Variants in SGMS2 observed in about 807,000 individuals in gnomAD.
The protein encoded by SGMS2 is phosphatidylcholine:ceramide cholinephosphotransferase 2.
SGMS2 carries 21 observed loss-of-function variants against 43.8 expected under a neutral mutation model. That is an observed-to-expected ratio of 0.48 (90% CI 0.34 to 0.69). The LOEUF (loss-of-function observed/expected upper bound fraction) is 0.69. Among genes scored for constraint, SGMS2 ranks in the 30% least tolerant of loss-of-function variants. The probability of loss-of-function intolerance (pLI) is 0.01; values close to 1 mark genes in which losing one functional copy is unlikely to be tolerated. For synonymous variants in SGMS2, 167 were observed against 160.6 expected (o/e 1.04, Z -0.30); for missense variants, 384 against 443.2 (o/e 0.87, Z 1.20).
At chr4:107,840,891 G>A (rs1055405500) in intron 1 of SGMS2, among the ~76,000 whole-genome samples, 2 of 152,158 alleles carry the variant, frequency 1.3e-5, no homozygotes, top group Admixed American at 6.5e-5. Flanking sequence ...CATGTCAGCA[G>A]AATCAAGGTT....
At chr4:107,837,327 G>A (rs1578503859) in intron 1 of SGMS2, among the ~76,000 whole-genome samples, 1 of 152,128 alleles carries the variant, frequency 6.6e-6, no homozygotes, top group African/African-American at 2.4e-5. Flanking sequence ...GAGTGACTGG[G>A]GCAGCCTACC....
intron 1 of SGMS2, among the ~76,000 whole-genome samples, chr4:107,841,480 A>G (rs545794884): frequency 6.6e-6 from 1 of 151,708 alleles, no homozygotes; most frequent in Admixed American, 6.6e-5. Flanking sequence ...TTGAGAATGC[A>G]TGGTCTAGCA....
intron 2 of SGMS2, among the ~76,000 whole-genome samples, chr4:107,894,708 C>T (rs573879727): frequency 6.6e-6 from 1 of 152,160 alleles, no homozygotes; most frequent in East Asian, 1.9e-4. Context: ...ATATGGTGTG[C>T]GTCTCTGAAT....
intron 4 of SGMS2, among the ~76,000 whole-genome samples, 181 bp from the exon 5 acceptor site, chr4:107,903,052 C>A (rs1286703409): frequency 6.6e-6 from 1 of 151,892 alleles, no homozygotes; most frequent in Non-Finnish European, 1.5e-5. Context: ...GTCAATAAAG[C>A]TTGCCAATAA....
Position 107,908,709 on chromosome 4 carries a change from A to G in SGMS2, c.872A>G (p.Tyr291Cys). Residue 291 changes from tyrosine (Y) to cysteine (C), a missense_variant, in exon 6 of 7, where the codon TAC becomes TGC. By Grantham distance (194) the Tyr-to-Cys change is radical. Coordinates refer to ENST00000690982, the MANE Select transcript of SGMS2 (RefSeq NM_001375905.1). ...YYITTRLFWW[Y>C]HSMANEKNLK... ...ATCACAACACGACTGTTTTGGTGGT[A>G]CCATTCAATGGCCAATGAAAAGGTG... is the stretch of plus-strand genomic sequence containing the variant. The G allele has an allele frequency of 1.2e-6, 2 of 1,613,740 alleles. No homozygotes were observed. The highest frequency in any genetic ancestry group is 1.7e-6 in the Non-Finnish European group (2 of 1,179,850).
At chr4:107,861,766 T>A (rs1213679820) in intron 2 of SGMS2, among the ~76,000 whole-genome samples, 2 of 152,260 alleles carry the variant, frequency 1.3e-5, no homozygotes, top group Non-Finnish European at 2.9e-5. Flanking sequence ...ATTTTATAGT[T>A]GTTAAAAAAG....
At chr4:107,843,933 A>C (rs1726660019) in intron 1 of SGMS2, among the ~76,000 whole-genome samples, 1 of 152,220 alleles carries the variant, frequency 6.6e-6, no homozygotes, top group Non-Finnish European at 1.5e-5. Flanking sequence ...TTATTTCTGC[A>C]GTCAGTTTTC....
chr4:107,903,897 T>G (rs13115229), intron 5 of SGMS2, among the ~76,000 whole-genome samples: 2,679 of 152,346 alleles, frequency 0.018, 47 homozygotes, highest in Non-Finnish European at 0.03. Flanking sequence ...TAGCACTTTC[T>G]GTGCTTTCAT....
intron 5 of SGMS2, among the ~76,000 whole-genome samples, chr4:107,906,074 A>T (rs187693722): frequency 6.6e-6 from 1 of 152,168 alleles, no homozygotes; most frequent in Non-Finnish European, 1.5e-5. Context: ...GTTTTTTTCT[A>T]TGCAATTAGG....
At chr4:107,862,130 C>T (rs755203106) in intron 2 of SGMS2, among the ~76,000 whole-genome samples, 10 of 152,110 alleles carry the variant, frequency 6.6e-5, no homozygotes, top group Non-Finnish European at 1.2e-4. Flanking sequence ...GAGTATTTAA[C>T]GCATAGAAAT....
At chr4:107,866,717 C>T (rs1378714615) in intron 2 of SGMS2, among the ~76,000 whole-genome samples, 1 of 151,984 alleles carries the variant, frequency 6.6e-6, no homozygotes, top group Admixed American at 6.6e-5. Context: ...TACCCTATTT[C>T]TTTTCTTTCT....
In SGMS2 at chr4:107,903,341, G is replaced by T. The variant is rs746307732; in HGVS notation, c.682G>T (p.Gly228Cys). The T allele has an allele frequency of 7.4e-6, 12 of 1,613,800 alleles. No individual in the cohort carries two copies. The highest frequency in any genetic ancestry group is 1.0e-5 in the Non-Finnish European group (12 of 1,179,924). Residue 228 changes from glycine to cysteine, a missense_variant, in exon 5 of 7, where the codon GGT becomes TGT. Gly to Cys is a radical substitution (Grantham distance 159). Transcript: ENST00000690982. The part of the protein sequence containing the change: ...HILCGDFLFS[G>C]HTVTLTLTYL... Reference sequence around the variant, plus strand: ...CTTATGTGGAGACTTCCTCTTCAGCGGTCACACGGTTACGCTGACACTGAC... The same window carrying T: ...CTTATGTGGAGACTTCCTCTTCAGCTGTCACACGGTTACGCTGACACTGAC...
Position 107,910,513 on chromosome 4 carries a change from G to A in SGMS2, c.1058G>A (p.Arg353Gln), listed in dbSNP as rs1327139774. The part of the protein sequence containing the change: ...CFKSSCKKYS[R>Q]VQKIGEDNEK... ...AAATCATCATGCAAAAAGTATTCACGGGTTCAGAAGATTGGTGAAGACAAT... is the reference window on the plus strand; with the variant it reads ...AAATCATCATGCAAAAAGTATTCACAGGTTCAGAAGATTGGTGAAGACAAT... The change falls in exon 7 of 7, where the codon CGG becomes CAG. Residue 353 changes from arginine (R) to glutamine (Q), a missense_variant. Physicochemically the swap from Arg to Gln is conservative, Grantham distance 43 (BLOSUM62 1). Coordinates refer to ENST00000690982, the MANE Select transcript of SGMS2 (RefSeq NM_001375905.1). 17 of 1,613,832 alleles carry A rather than the reference G, an allele frequency of 1.1e-5. No individual in the cohort carries two copies. The highest frequency in any genetic ancestry group is 1.7e-5 in the Admixed American group (1 of 59,966).
At chr4:107,855,219 T>C (rs190747136) in intron 1 of SGMS2, among the ~76,000 whole-genome samples, 124 of 152,278 alleles carry the variant, frequency 8.1e-4, no homozygotes, top group African/African-American at 2.5e-3. Context: ...TCTGCTTTGA[T>C]GTTTATTATT....
chr4:107,851,541 C>T (rs1040173539), intron 1 of SGMS2, among the ~76,000 whole-genome samples: 2 of 152,148 alleles, frequency 1.3e-5, no homozygotes, highest in African/African-American at 2.4e-5. Context: ...TCAGGTATAG[C>T]CATTCTGCTC....
intron 2 of SGMS2, among the ~76,000 whole-genome samples, chr4:107,889,008 T>C (rs1398855956): frequency 6.6e-6 from 1 of 152,204 alleles, no homozygotes; most frequent in Non-Finnish European, 1.5e-5. Context: ...GACTTCATCT[T>C]GCTTTTAGCC....
intron 1 of SGMS2, among the ~76,000 whole-genome samples, chr4:107,829,615 G>T (rs1448155898): frequency 1.3e-5 from 2 of 152,126 alleles, no homozygotes; most frequent in Non-Finnish European, 2.9e-5. Flanking sequence ...TTTTGTGTTT[G>T]TGTTTATTTA....
intron 4 of SGMS2, among the ~76,000 whole-genome samples, chr4:107,902,315 T>G (rs1293563055): frequency 7.3e-6 from 1 of 137,912 alleles, no homozygotes; most frequent in Non-Finnish European, 1.5e-5. Context: ...CTTTCTGTAT[T>G]TCTCTTCCAT....
intron 1 of SGMS2, 84 bp downstream of exon 1, chr4:107,825,337 G>A (rs944630696): frequency 4.6e-5 from 7 of 152,468 alleles, no homozygotes; most frequent in Admixed American, 1.3e-4. Context: ...AAGGTGGATT[G>A]CGAAGCGGGG....
Sources: allele counts gnomAD v4.1 joint callset (sites outside exome capture counted in the v4.1 genomes callset), GRCh38; gene constraint gnomAD v4.1.1; transcripts MANE v1.5; gene names NCBI Gene and HGNC (gene_info 2026-07-23, HGNC 2026-07-21).